The following CSMD1 variants were observed in gnomAD, a reference collection of about 807,000 sequenced individuals.
The protein encoded by CSMD1 is CUB and Sushi multiple domains 1.
CSMD1 carries 213 observed loss-of-function variants against 417.5 expected under a neutral mutation model. The observed-to-expected ratio is 0.51, with a 90% CI of 0.46 to 0.57. The LOEUF (loss-of-function observed/expected upper bound fraction) is 0.57. Ranked by LOEUF, CSMD1 falls within the 20% of genes least tolerant of loss-of-function variation. The pLI, the probability that CSMD1 is intolerant of heterozygous loss-of-function variation, is 0.00. For synonymous variants in CSMD1, 2,862 were observed against 1,736.8 expected (o/e 1.65, Z -16.11); for missense variants, 6,923 against 4,529.7 (o/e 1.53, Z -15.17).
intron 1 of CSMD1, among the ~76,000 whole-genome samples, chr8:4,725,543 G>C (rs796320704): frequency 5.3e-5 from 8 of 152,242 alleles, no homozygotes; most frequent in African/African-American, 1.7e-4. Context: ...CTCCATTCCA[G>C]GATATTTCTA....
chr8:4,681,054 A>G (rs1806018580), intron 1 of CSMD1, among the ~76,000 whole-genome samples: 1 of 152,018 alleles, frequency 6.6e-6, no homozygotes, highest in African/African-American at 2.4e-5. Flanking sequence ...TAAATTCAGA[A>G]AAATTAACTT....
intron 49 of CSMD1, among the ~76,000 whole-genome samples, chr8:3,081,641 G>A (rs773780779): frequency 5.3e-4 from 80 of 152,148 alleles, no homozygotes; most frequent in Non-Finnish European, 8.1e-4. Context: ...AACCACTTTT[G>A]ACCAAATGTG....
chr8:4,088,284 T>C (rs7815215), intron 3 of CSMD1, among the ~76,000 whole-genome samples: 47,684 of 152,208 alleles, frequency 0.31, 9,201 homozygotes, highest in African/African-American at 0.54. Context: ...CTCAATTGCA[T>C]GGCCATTGAA....
chr8:3,900,053 T>C (rs1431765477), intron 5 of CSMD1, among the ~76,000 whole-genome samples: 1 of 152,122 alleles, frequency 6.6e-6, no homozygotes, highest in East Asian at 1.9e-4. Context: ...GCCGATGCTG[T>C]AGCTGGGTAA....
intron 1 of CSMD1, among the ~76,000 whole-genome samples, chr8:4,827,519 T>A (rs1799904327): frequency 6.6e-6 from 1 of 152,180 alleles, no homozygotes; most frequent in Non-Finnish European, 1.5e-5. Context: ...ATTCTAAAAT[T>A]TTCCACCAAG....
At chr8:3,521,547 A>G (rs749619661) in intron 10 of CSMD1, among the ~76,000 whole-genome samples, 3 of 152,154 alleles carry the variant, frequency 2.0e-5, no homozygotes, top group Non-Finnish European at 2.9e-5. Flanking sequence ...ATCAGTAAAC[A>G]TAAGTTACTC....
intron 21 of CSMD1, among the ~76,000 whole-genome samples, chr8:3,353,537 C>T (rs182439316): frequency 6.6e-6 from 1 of 152,130 alleles, no homozygotes; most frequent in Non-Finnish European, 1.5e-5. Flanking sequence ...ACTGCGAGAG[C>T]GCTCCAGACC....
At chr8:3,242,121 T>A (rs953810878) in intron 26 of CSMD1, among the ~76,000 whole-genome samples, 4 of 151,358 alleles carry the variant, frequency 2.6e-5, no homozygotes, top group African/African-American at 9.7e-5. Flanking sequence ...ACCTTGACTA[T>A]GCCTTTAGCT....
At chr8:3,601,286 A>C (rs1187716336) in intron 8 of CSMD1, among the ~76,000 whole-genome samples, 1 of 152,206 alleles carries the variant, frequency 6.6e-6, no homozygotes, top group Non-Finnish European at 1.5e-5. Flanking sequence ...TGCTGCGGGG[A>C]AACAAATCAG....
intron 1 of CSMD1, among the ~76,000 whole-genome samples, chr8:4,972,787 T>C (rs1391714303): frequency 6.6e-6 from 1 of 150,528 alleles, no homozygotes; most frequent in East Asian, 1.9e-4. Context: ...CATCATGAAG[T>C]TAGGAGCTAG....
chr8:3,719,661 C>T (rs115569280), intron 6 of CSMD1, among the ~76,000 whole-genome samples: 420 of 152,242 alleles, frequency 2.8e-3, no homozygotes, highest in African/African-American at 9.7e-3. Flanking sequence ...GTCAGATGAG[C>T]TTGGGGAAGT....
chr8:4,265,209 A>C (rs1804164558), intron 3 of CSMD1, among the ~76,000 whole-genome samples: 1 of 152,060 alleles, frequency 6.6e-6, no homozygotes, highest in Non-Finnish European at 1.5e-5. Context: ...ACAGTATTTA[A>C]AAATTATTTA....
chr8:4,751,194 G>A (rs1185325297), intron 1 of CSMD1, among the ~76,000 whole-genome samples: 1 of 152,166 alleles, frequency 6.6e-6, no homozygotes, highest in African/African-American at 2.4e-5. Context: ...AGACCAGCCT[G>A]GCCAACATGG....
intron 7 of CSMD1, among the ~76,000 whole-genome samples, chr8:3,640,057 G>A (rs893943807): frequency 6.6e-6 from 1 of 152,118 alleles, no homozygotes; most frequent in Non-Finnish European, 1.5e-5. Flanking sequence ...TAATCTAATT[G>A]CATAAGAAGC....
chr8:4,128,247 G>T (rs1410089816), intron 3 of CSMD1, among the ~76,000 whole-genome samples: 1 of 152,104 alleles, frequency 6.6e-6, no homozygotes, highest in Admixed American at 6.6e-5. Context: ...TGGCTGACAG[G>T]TGCAATCCCG....
At chr8:4,719,370 A>G (rs1808901130) in intron 1 of CSMD1, among the ~76,000 whole-genome samples, 1 of 152,084 alleles carries the variant, frequency 6.6e-6, no homozygotes, top group South Asian at 2.1e-4. Flanking sequence ...GAGCCTGCTC[A>G]TTCTCTTTCT....
chr8:2,975,607 A>G (rs562213975), intron 55 of CSMD1, among the ~76,000 whole-genome samples: 122 of 152,230 alleles, frequency 8.0e-4, no homozygotes, highest in Non-Finnish European at 1.5e-3. Context: ...TTATCCACAT[A>G]GAGTCCTTAA....
intron 49 of CSMD1, among the ~76,000 whole-genome samples, chr8:3,066,317 T>A (rs907404753): frequency 6.6e-6 from 1 of 152,246 alleles, no homozygotes; most frequent in African/African-American, 2.4e-5. Context: ...GAAAATCTCA[T>A]AGTTTTAGCT....
At chr8:4,415,912 C>T (rs1485387745) in intron 3 of CSMD1, among the ~76,000 whole-genome samples, 1 of 152,154 alleles carries the variant, frequency 6.6e-6, no homozygotes, top group Non-Finnish European at 1.5e-5. Flanking sequence ...TGTAGATGTA[C>T]AGACATGTGG....
Sources: allele counts gnomAD v4.1 joint callset (sites outside exome capture counted in the v4.1 genomes callset), GRCh38; gene constraint gnomAD v4.1.1; transcripts MANE v1.5; gene names NCBI Gene and HGNC (gene_info 2026-07-23, HGNC 2026-07-21).